NRG1: variants seen among roughly 807,000 people sequenced by gnomAD.
The protein encoded by NRG1 is neuregulin 1.
In NRG1, 18 loss-of-function variants were observed where a neutral mutation model predicts 63.8. That is an observed-to-expected ratio of 0.28 (90% CI 0.19 to 0.42). The LOEUF is 0.42. Among genes scored for constraint, NRG1 ranks in the 10% least tolerant of loss-of-function variants. The pLI is 1.00. For synonymous variants in NRG1, 302 were observed against 301.3 expected (o/e 1.00, Z -0.02); for missense variants, 762 against 814.7 (o/e 0.94, Z 0.79).
At chr8:32,326,398 A>G (rs1370392941) in intron 1 of NRG1, among the ~76,000 whole-genome samples, 1 of 150,712 alleles carries the variant, frequency 6.6e-6, no homozygotes, top group Non-Finnish European at 1.5e-5. Context: ...TGCATCTTCA[A>G]CTTCCTGGGC....
chr8:32,147,419 A>C (rs1836993029), intron 1 of NRG1, among the ~76,000 whole-genome samples: 1 of 152,220 alleles, frequency 6.6e-6, no homozygotes, highest in Non-Finnish European at 1.5e-5. Flanking sequence ...ATGTAATCCT[A>C]TGCAGTCACT....
intron 1 of NRG1, among the ~76,000 whole-genome samples, chr8:31,783,180 C>A (rs1397704969): frequency 6.6e-6 from 1 of 152,102 alleles, no homozygotes; most frequent in Admixed American, 6.6e-5. Context: ...ATGGTGACAG[C>A]CATTGTTAAT....
chr8:32,489,633 C>T (rs1826312937), intron 1 of NRG1, among the ~76,000 whole-genome samples: 1 of 152,044 alleles, frequency 6.6e-6, no homozygotes, highest in Admixed American at 6.6e-5. Context: ...CCCAGGACTG[C>T]AGATAATCAA....
chr8:32,302,359 A>T (rs992257865), intron 1 of NRG1, among the ~76,000 whole-genome samples: 8 of 152,176 alleles, frequency 5.3e-5, no homozygotes, highest in Non-Finnish European at 1.2e-4. Flanking sequence ...CCAGTCTGTG[A>T]GGTGCATATG....
intron 1 of NRG1, among the ~76,000 whole-genome samples, chr8:31,943,227 T>C (rs1032565238): frequency 6.6e-6 from 1 of 152,122 alleles, no homozygotes. Context: ...AATAATGACA[T>C]TTGTAGCAAC....
intron 1 of NRG1, among the ~76,000 whole-genome samples, chr8:32,397,268 CA>C (rs1322747603): frequency 6.6e-6 from 1 of 151,968 alleles, no homozygotes; most frequent in African/African-American, 2.4e-5. Context: ...CTATCTTGAC[CA>C]GAGTGAAAAT....
At chr8:31,992,390 C>G (rs1195667144) in intron 1 of NRG1, among the ~76,000 whole-genome samples, 1 of 151,892 alleles carries the variant, frequency 6.6e-6, no homozygotes, top group African/African-American at 2.4e-5. Flanking sequence ...CCTCTGCTTG[C>G]CTGATACTGA....
intron 1 of NRG1, among the ~76,000 whole-genome samples, chr8:32,522,061 T>TC (rs1227411428): frequency 5.3e-5 from 8 of 152,194 alleles, no homozygotes; most frequent in African/African-American, 1.9e-4. Context: ...AAATCTGAAG[T>TC]CCATCTCCAT....
chr8:32,104,045 T>C (rs939733453), intron 1 of NRG1, among the ~76,000 whole-genome samples: 2 of 152,212 alleles, frequency 1.3e-5, no homozygotes, highest in African/African-American at 4.8e-5. Context: ...CATGTGGTGC[T>C]TAACGACAGG....
At chr8:32,055,741 CTT>C (rs1470260449) in intron 1 of NRG1, among the ~76,000 whole-genome samples, 1 of 148,604 alleles carries the variant, frequency 6.7e-6, no homozygotes, top group African/African-American at 2.5e-5. Flanking sequence ...TTTCTTATAT[CTT>C]TTAACTCAGA....
intron 1 of NRG1, among the ~76,000 whole-genome samples, chr8:32,283,413 G>C (rs551199243): frequency 6.6e-6 from 1 of 152,122 alleles, no homozygotes; most frequent in South Asian, 2.1e-4. Flanking sequence ...CTGGGGCAAG[G>C]TAGTATCCAG....
intron 1 of NRG1, among the ~76,000 whole-genome samples, chr8:32,577,550 G>C (rs1339884415): frequency 6.6e-6 from 1 of 152,096 alleles, no homozygotes; most frequent in Non-Finnish European, 1.5e-5. Flanking sequence ...AAAAAGTAGG[G>C]CTAGGTGAAG....
intron 1 of NRG1, among the ~76,000 whole-genome samples, chr8:32,007,467 TACC>T (rs1045213563): frequency 6.6e-6 from 1 of 152,048 alleles, no homozygotes; most frequent in African/African-American, 2.4e-5. Context: ...TCTCTAATAA[TACC>T]ATAAAATACC....
chr8:32,711,083 A>G (rs762378462), intron 5 of NRG1, among the ~76,000 whole-genome samples: 1 of 152,150 alleles, frequency 6.6e-6, no homozygotes, highest in African/African-American at 2.4e-5. Context: ...AAGGTGACAT[A>G]TATAGTTCTG....
chr8:32,066,056 G>A (rs866089971), intron 1 of NRG1, among the ~76,000 whole-genome samples: 1 of 152,178 alleles, frequency 6.6e-6, no homozygotes, highest in African/African-American at 2.4e-5. Context: ...TTGTAAATTT[G>A]TTTGAGTTCA....
intron 2 of NRG1, among the ~76,000 whole-genome samples, chr8:32,596,515 A>G (rs1306776772): frequency 6.6e-6 from 1 of 151,272 alleles, no homozygotes; most frequent in Non-Finnish European, 1.5e-5. Context: ...CAGGAGAATC[A>G]CTTGAACCCG....
chr8:32,636,525 G>A (rs958163350), intron 5 of NRG1, among the ~76,000 whole-genome samples: 6 of 152,276 alleles, frequency 3.9e-5, no homozygotes, highest in Admixed American at 2.0e-4. Flanking sequence ...GAATGGGAGC[G>A]TCCTGAATAA....
chr8:31,684,194 C>T (rs1487172597), intron 1 of NRG1, among the ~76,000 whole-genome samples: 1 of 152,166 alleles, frequency 6.6e-6, no homozygotes, highest in African/African-American at 2.4e-5. Flanking sequence ...ACTGCTATGG[C>T]TTGAATGTTT....
chr8:31,825,274 G>T (rs1824430444), intron 1 of NRG1, among the ~76,000 whole-genome samples: 1 of 151,952 alleles, frequency 6.6e-6, no homozygotes, highest in Admixed American at 6.6e-5. Flanking sequence ...TGTAGTCCCA[G>T]CTACTCGGGA....
Sources: gnomAD v4.1 joint callset for allele counts (sites outside exome capture counted in the v4.1 genomes callset) on GRCh38, gnomAD v4.1.1 for gene constraint, MANE v1.5 for transcripts, NCBI Gene and HGNC (gene_info 2026-07-23, HGNC 2026-07-21) for gene names.